Variants in MMP17 observed in about 807,000 individuals in gnomAD.
MMP17 encodes the protein matrix metallopeptidase 17.
Under a neutral mutation model 49.1 loss-of-function variants are expected in MMP17, and 54 were observed. The observed-to-expected ratio is 1.10, with a 90% CI of 0.88 to 1.38. MMP17 has a LOEUF of 1.38. Ranked by LOEUF, MMP17 falls within the 40% of genes most tolerant of loss-of-function variation. The pLI is 0.00. For missense variants in MMP17, 837 were observed against 853.7 expected (o/e 0.98, Z 0.24); for synonymous variants, 397 against 383.1 (o/e 1.04, Z -0.42).
chr12:131,835,628 G>T (rs1363789577), intron 1 of MMP17, among the ~76,000 whole-genome samples: 1 of 152,210 alleles, frequency 6.6e-6, no homozygotes, highest in African/African-American at 2.4e-5. Context: ...CTCCCAAGGG[G>T]TCTCAGCACC....
intron 1 of MMP17, among the ~76,000 whole-genome samples, chr12:131,836,422 G>A (rs939891559): frequency 1.3e-5 from 2 of 151,910 alleles, no homozygotes; most frequent in Admixed American, 6.6e-5. Context: ...ACCAGAACCT[G>A]GAGGCCCAGC....
In MMP17 at chr12:131,841,800, G is replaced by T. The variant is rs922869805; in HGVS notation, c.883G>T (p.Gly295Cys). ...EDKVRVWQLY[G>C]VRESVSPTAQ... ...CAAGGTGCGCGTCTGGCAGCTGTAC[G>T]GTGAGTGTCTCCCCGAAGCCAGACA... The change falls in exon 5 of 10, where the codon GGT (glycine) becomes TGT (cysteine). Residue 295 changes from glycine to cysteine, a missense_variant and splice_region_variant. Coordinates refer to ENST00000360564, the MANE Select transcript of MMP17 (RefSeq NM_016155.7). The T allele has an allele frequency of 1.9e-5, 30 of 1,584,382 alleles. No individual in the cohort carries two copies. Among genetic ancestry groups the T allele is most frequent in the Non-Finnish European group, 2.5e-5 (29 of 1,167,444 alleles).
intron 3 of MMP17, 125 bp downstream of exon 3, chr12:131,838,866 C>T (rs1210155627): frequency 2.8e-5 from 27 of 976,700 alleles, no homozygotes; most frequent in East Asian, 9.3e-5. Flanking sequence ...TCCGTGGAGG[C>T]GGGTGCGTGG....
chr12:131,838,084 TA>T (rs1887173752), intron 1 of MMP17, 110 bp from the exon 2 acceptor site: 2 of 1,360,034 alleles, frequency 1.5e-6, no homozygotes, highest in Non-Finnish European at 2.0e-6. Context: ...TGTGGGCAGA[TA>T]GGGGGCTGGG....
intron 5 of MMP17, among the ~76,000 whole-genome samples, chr12:131,842,712 G>A (rs1181683732): frequency 1.3e-5 from 2 of 151,858 alleles, no homozygotes; most frequent in South Asian, 4.1e-4. Flanking sequence ...GGCAGAGGTT[G>A]CAGTGAGCTG....
At chr12:131,840,310 C>T (rs552499026) in intron 3 of MMP17, 2 of 457,014 alleles carry the variant, frequency 4.4e-6, no homozygotes, top group Middle Eastern at 5.7e-4. Flanking sequence ...GCTGATGGCT[C>T]CACGCGGGAG....
At chr12:131,850,433 C>G (rs1176516979) in intron 9 of MMP17, among the ~76,000 whole-genome samples, 1 of 152,240 alleles carries the variant, frequency 6.6e-6, no homozygotes, top group African/African-American at 2.4e-5. Context: ...CTGGGCATCA[C>G]CCCTGCCACG....
rs971214926 is a variant in MMP17 at position 131,841,576 on chromosome 12, G to A, written c.707-48G>A. 4 of 1,602,956 alleles carry A rather than the reference G, an allele frequency of 2.5e-6. No individual in the cohort carries two copies. In the South Asian group the frequency reaches 3.3e-5, roughly 13 times the overall value. On this transcript the variant is annotated intron_variant, in intron 4 of 9. Transcript: ENST00000360564. ...GGGCCTGCTGGTCCCTCCCCGCGGGGACAGGGCCCTTCTTGCCCTTAGTTC... is the reference window on the plus strand; with the variant it reads ...GGGCCTGCTGGTCCCTCCCCGCGGGAACAGGGCCCTTCTTGCCCTTAGTTC...
chr12:131,851,165 C>A lies in MMP17; in HGVS notation c.1703C>A (p.Ser568Tyr), dbSNP rs1232936544. 1.8e-5 allele frequency: 27 copies of A among 1,506,924 alleles called. No homozygotes were observed. The highest frequency in any genetic ancestry group is 2.3e-5 in the Non-Finnish European group (26 of 1,124,822). 93.3% of individuals were successfully genotyped at this position (1,506,924 alleles called of 1,614,324 possible). The change falls in exon 10 of 10, where the codon TCC becomes TAC. Residue 568 changes from serine to tyrosine, a missense_variant. Ser to Tyr is a moderately radical substitution (Grantham distance 144). Coordinates refer to ENST00000360564, the MANE Select transcript of MMP17 (RefSeq NM_016155.7). ...GTCTGCTCATGCACCTCTGGGGCAT[C>A]CTCTCCCCCGGGGGCCCCAGGCCCA... ...YEVCSCTSGA[S>Y]SPPGAPGPLV...
At chr12:131,843,265 CTCTTTTTTTTTTT>C in intron 5 of MMP17, among the ~76,000 whole-genome samples, 1 of 130,562 alleles carries the variant, frequency 7.7e-6, no homozygotes, top group East Asian at 2.3e-4. Context: ...CGCACCTGGC[CTCTTTTTTTTTTT>C]TTTTTTTTTT....
intron 1 of MMP17, among the ~76,000 whole-genome samples, chr12:131,835,340 T>C (rs1040576587): frequency 1.3e-5 from 2 of 152,224 alleles, no homozygotes; most frequent in African/African-American, 4.8e-5. Flanking sequence ...CCTGGTTCTA[T>C]GAGTTGAAGC....
chr12:131,843,715 C>G (rs769386242), intron 5 of MMP17, among the ~76,000 whole-genome samples: 3 of 152,206 alleles, frequency 2.0e-5, no homozygotes, highest in Non-Finnish European at 2.9e-5. Context: ...GGCTGGTGTA[C>G]GAGCTCCTGT....
chr12:131,833,556 C>T (rs933621532), intron 1 of MMP17, among the ~76,000 whole-genome samples: 2 of 152,246 alleles, frequency 1.3e-5, no homozygotes, highest in African/African-American at 4.8e-5. Context: ...CCCCGCATGG[C>T]TGAGTGGGTC....
At chr12:131,829,161 G>A (rs1886665411) in intron 1 of MMP17, among the ~76,000 whole-genome samples, 1 of 152,232 alleles carries the variant, frequency 6.6e-6, no homozygotes, top group Non-Finnish European at 1.5e-5. Flanking sequence ...GGTGTTGGGG[G>A]CACAGGGATG....
chr12:131,844,216 A>G (rs1887575742), intron 6 of MMP17, 135 bp downstream of exon 6: 3 of 734,064 alleles, frequency 4.1e-6, no homozygotes, highest in Admixed American at 5.5e-5. Flanking sequence ...GCCCCCAGTG[A>G]CATTTTGTCT....
chr12:131,834,302 C>T (rs1886966731), intron 1 of MMP17, among the ~76,000 whole-genome samples: 1 of 152,102 alleles, frequency 6.6e-6, no homozygotes, highest in African/African-American at 2.4e-5. Context: ...CCCGGCAGCC[C>T]CTCCCCCTCC....
chr12:131,851,097 TC>T lies in MMP17; in HGVS notation c.1637del (p.Pro546GlnfsTer56). The T allele has an allele frequency of 6.2e-7, 1 of 1,600,542 alleles. No homozygotes were observed. ...ACGCGGCAGAGGGGCCCCGCGCCCCTCCAGGACAACATGACCAGAGCCGCTC... is the reference window on the plus strand; with the variant it reads ...ACGCGGCAGAGGGGCCCCGCGCCCCTCAGGACAACATGACCAGAGCCGCTC... ...VDAAEGPRAP[P>X]GQHDQSRSED... On this transcript the variant is annotated frameshift_variant, in exon 10 of 10. Transcript: ENST00000360564. LOFTEE classifies it low-confidence loss of function (END_TRUNC).
In MMP17 at chr12:131,845,126, A is replaced by T; in HGVS notation, c.977A>T (p.Lys326Met). Residue 326 changes from lysine (K) to methionine (M), a missense_variant, in exon 7 of 10, where the codon AAG becomes ATG. Transcript: ENST00000360564. ...TGGCTCTCTCCCTGCAGGCCCAGGA[A>T]GGACGTGCCCCACAGATGCAGCACT... ...PDNRSSAPPR[K>M]DVPHRCSTHF... The T allele has an allele frequency of 6.3e-7, 1 of 1,599,602 alleles. No homozygotes were observed. The highest frequency in any genetic ancestry group is 8.5e-7 in the Non-Finnish European group (1 of 1,176,060).
chr12:131,828,882 C>A (rs1886650027), intron 1 of MMP17, among the ~76,000 whole-genome samples: 1 of 152,042 alleles, frequency 6.6e-6, no homozygotes, highest in South Asian at 2.1e-4. Context: ...GTCCCGGCTC[C>A]GTGCGCTGGG....
Sources: gnomAD v4.1 joint callset for allele counts (sites outside exome capture counted in the v4.1 genomes callset) on GRCh38, gnomAD v4.1.1 for gene constraint, MANE v1.5 for transcripts, NCBI Gene and HGNC (gene_info 2026-07-23, HGNC 2026-07-21) for gene names.